The following ARMCX4 variants were observed in gnomAD, a reference collection of about 807,000 sequenced individuals.
ARMCX4 encodes armadillo repeat containing X-linked 4.
Under a neutral mutation model 34.7 loss-of-function variants are expected in ARMCX4, and 3 were observed. The observed-to-expected ratio is 0.09, with a 90% CI of 0.04 to 0.22. ARMCX4 has a LOEUF of 0.22. Among genes scored for constraint, ARMCX4 ranks in the 10% least tolerant of loss-of-function variants. The probability of loss-of-function intolerance (pLI) is 1.00; values close to 1 mark genes in which losing one functional copy is unlikely to be tolerated. For missense variants in ARMCX4, 1,448 were observed against 1,720.8 expected (o/e 0.84, Z 2.81); for synonymous variants, 513 against 632.8 (o/e 0.81, Z 2.84).
intron 11 of ARMCX4, among the ~76,000 whole-genome samples, chrX:101,520,198 CT>C (rs1425292431): frequency 2.7e-5 from 3 of 112,280 alleles, no homozygotes; most frequent in Non-Finnish European, 5.6e-5. Context: ...TGCAACCTTT[CT>C]TTAAAACTGT....
intron 11 of ARMCX4, among the ~76,000 whole-genome samples, chrX:101,514,788 A>T (rs985525569): frequency 9.0e-6 from 1 of 111,325 alleles, no homozygotes; most frequent in Admixed American, 9.6e-5. Context: ...ATAATGGAGG[A>T]CTCAGTTTTG....
intron 2 of ARMCX4, among the ~76,000 whole-genome samples, chrX:101,439,379 C>T (rs1385739857): frequency 5.4e-5 from 6 of 111,572 alleles, no homozygotes; most frequent in African/African-American, 2.0e-4. Context: ...GGTAACCCGC[C>T]CTTTCTCTCT....
At chrX:101,479,365 C>T (rs1203679911) in intron 4 of ARMCX4, among the ~76,000 whole-genome samples, 1 of 104,270 alleles carries the variant, frequency 9.6e-6, no homozygotes, top group Non-Finnish European at 2.0e-5. Context: ...CGAAAAATGA[C>T]AATTTTCCTG....
At chrX:101,481,214 A>T (rs1933434028), upstream of ARMCX4, among the ~76,000 whole-genome samples, 1 of 112,664 alleles carries the variant, frequency 8.9e-6, no homozygotes, top group Non-Finnish European at 1.9e-5. Context: ...TGACAATTCA[A>T]CCTATGATTT....
At chrX:101,501,594 G>A (rs187102728) in intron 7 of ARMCX4, among the ~76,000 whole-genome samples, 2,648 of 112,561 alleles carry the variant, frequency 0.024, 74 homozygotes, top group African/African-American at 0.08. Context: ...TGGAGCAGCA[G>A]AGGGAGCAGT....
intron 11 of ARMCX4, among the ~76,000 whole-genome samples, chrX:101,529,945 T>A (rs782464615): frequency 1.2e-3 from 139 of 111,535 alleles, no homozygotes; most frequent in African/African-American, 4.4e-3. Context: ...AGGGATCTAG[T>A]ACTAGAAATA....
chrX:101,423,030 C>T (rs1255011555), intron 2 of ARMCX4, among the ~76,000 whole-genome samples: 2 of 110,230 alleles, frequency 1.8e-5, no homozygotes, highest in Non-Finnish European at 3.8e-5. Flanking sequence ...CTGCCTCAGC[C>T]TCCCGAGTAG....
chrX:101,477,981 T>C (rs1556004712), intron 4 of ARMCX4, among the ~76,000 whole-genome samples: 1 of 112,066 alleles, frequency 8.9e-6, no homozygotes, highest in African/African-American at 3.2e-5. Context: ...AGAAGTTTCC[T>C]TAACTTGGCA....
At chrX:101,460,981 T>C (rs1932582371) in intron 4 of ARMCX4, among the ~76,000 whole-genome samples, 1 of 112,315 alleles carries the variant, frequency 8.9e-6, no homozygotes, top group Non-Finnish European at 1.9e-5. Flanking sequence ...TCCAGGGCTC[T>C]GAATGCTCTG....
intron 2 of ARMCX4, among the ~76,000 whole-genome samples, chrX:101,431,750 A>G (rs1332096196): frequency 9.0e-6 from 1 of 111,421 alleles, no homozygotes; most frequent in Non-Finnish European, 1.9e-5. Context: ...TCATTGTGTT[A>G]GCCAGGATGG....
upstream of ARMCX4, among the ~76,000 whole-genome samples, chrX:101,480,984 G>A (rs186923450): frequency 9.0e-6 from 1 of 111,394 alleles, no homozygotes; most frequent in African/African-American, 3.3e-5. Flanking sequence ...TTAGCTGGGC[G>A]TGGTGGCATG....
chrX:101,447,777 A>T (rs1396150235), downstream of ARMCX4: 1 of 111,292 alleles, frequency 9.0e-6, no homozygotes, highest in Non-Finnish European at 1.9e-5. Flanking sequence ...GCAATATGTA[A>T]TAATCACCTC....
chrX:101,520,128 T>G (rs782392866), intron 11 of ARMCX4, among the ~76,000 whole-genome samples: 1 of 112,467 alleles, frequency 8.9e-6, no homozygotes, highest in South Asian at 3.6e-4. Context: ...TAATTTTATT[T>G]TTTGATTGCT....
Position 101,529,927 on chromosome X carries a change from G to A in ARMCX4, c.*1781-1717G>A, listed in dbSNP as rs958247010. 1.1e-4 allele frequency among the ~76,000 whole-genome samples: 12 copies of A among 111,693 alleles called. No homozygotes were observed. The East Asian group carries it at 2.0e-3, about 18-fold the overall frequency. ...CAACCATTGTGGAAGACAGTGTGGC[G>A]GTTCCTCAGGGATCTAGTACTAGAA... On this transcript the variant is annotated intron_variant and NMD_transcript_variant, in intron 11 of 12. Coordinates refer to the ARMCX4 transcript ENST00000354842.
chrX:101,473,032 G>C (rs1932982926), intron 4 of ARMCX4, among the ~76,000 whole-genome samples: 1 of 110,843 alleles, frequency 9.0e-6, no homozygotes, highest in South Asian at 3.9e-4. Context: ...AAAGATTCAA[G>C]ACCCGTCAGT....
Position 101,521,025 on chromosome X carries a change from G to A in ARMCX4, c.*1780+9970G>A, listed in dbSNP as rs782215811. ...TGGCTCACCACAGTCTCCACCTCCCGGGTTGAAGCGATCCTCCTTCCTCAG... is the reference window on the plus strand; with the variant it reads ...TGGCTCACCACAGTCTCCACCTCCCAGGTTGAAGCGATCCTCCTTCCTCAG... On this transcript the variant is annotated intron_variant and NMD_transcript_variant, in intron 11 of 12. Coordinates refer to the ARMCX4 transcript ENST00000354842. 1.9e-4 allele frequency among the ~76,000 whole-genome samples: 20 copies of A among 106,310 alleles called. No individual in the cohort carries two copies. In the East Asian group the frequency reaches 4.5e-3, roughly 24 times the overall value. The allele number at this position is 106,310 out of a possible 115,157, so 92.3% of individuals were successfully genotyped here. A position where few individuals can be genotyped will look rare whatever the true frequency, so the allele number is the denominator to read the frequency against.
chrX:101,430,127 G>T (rs1457452789), intron 2 of ARMCX4, among the ~76,000 whole-genome samples: 1 of 111,952 alleles, frequency 8.9e-6, no homozygotes, highest in Non-Finnish European at 1.9e-5. Context: ...TAAAAATAGG[G>T]TTATGGTTTT....
chrX:101,472,486 A>T (rs1416512572), intron 4 of ARMCX4, among the ~76,000 whole-genome samples: 197 of 81,107 alleles, frequency 2.4e-3, no homozygotes, highest in African/African-American at 8.8e-3. Context: ...GAGAAGAGCA[A>T]CTCCAAGACA....
chrX:101,511,228 T>TA (rs1934573408), intron 11 of ARMCX4, among the ~76,000 whole-genome samples: 2 of 111,233 alleles, frequency 1.8e-5, no homozygotes, highest in African/African-American at 6.5e-5. Context: ...ATTTCTGTTT[T>TA]ACCTCCCATA....
Sources: gnomAD v4.1 joint callset for allele counts (sites outside exome capture counted in the v4.1 genomes callset) on GRCh38, gnomAD v4.1.1 for gene constraint, MANE v1.5 for transcripts, NCBI Gene and HGNC (gene_info 2026-07-23, HGNC 2026-07-21) for gene names.